TSHZ2: variants seen among roughly 807,000 people sequenced by gnomAD.
TSHZ2 encodes the protein teashirt homolog 2.
In TSHZ2, 21 loss-of-function variants were observed where a neutral mutation model predicts 74.4. The ratio of observed to expected loss-of-function variants is 0.28; its 90% confidence interval spans 0.20 to 0.41. TSHZ2 has a LOEUF of 0.41. Among genes scored for constraint, TSHZ2 ranks in the 10% least tolerant of loss-of-function variants. The pLI, the probability that TSHZ2 is intolerant of heterozygous loss-of-function variation, is 1.00. For synonymous variants in TSHZ2, 540 were observed against 515.3 expected (o/e 1.05, Z -0.65); for missense variants, 1,244 against 1,293.5 (o/e 0.96, Z 0.59).
Position 53,018,316 on chromosome 20 carries a change from C to T in TSHZ2, c.40+44983C>T, listed in dbSNP as rs1226138339. The stretch of plus-strand genomic sequence containing the variant: ...TTTGTAGACAATCACTGGGAATAGA[C>T]CACCTTATGTCATATACCAAGTTCC... On this transcript the variant is annotated intron_variant, in intron 1 of 2. Transcript: ENST00000371497. Among the ~76,000 whole-genome samples the T allele has an allele frequency of 3.3e-5, 5 of 152,156 alleles. No individual in the cohort carries two copies. In the East Asian group the frequency reaches 9.6e-4, roughly 29 times the overall value.
chr20:53,236,380 A>C (rs1420932131), intron 1 of TSHZ2, among the ~76,000 whole-genome samples: 2 of 152,180 alleles, frequency 1.3e-5, no homozygotes, highest in African/African-American at 4.8e-5. Flanking sequence ...TAAGTGGTCT[A>C]TCCTAACCTT....
chr20:53,405,371 G>A (rs986921833), intron 2 of TSHZ2, among the ~76,000 whole-genome samples: 1 of 152,104 alleles, frequency 6.6e-6, no homozygotes, highest in Non-Finnish European at 1.5e-5. Flanking sequence ...TATTAGGATT[G>A]TGTGGGCAGA....
intron 1 of TSHZ2, among the ~76,000 whole-genome samples, chr20:53,106,712 T>A (rs971122953): frequency 1.4e-5 from 2 of 145,626 alleles, no homozygotes; most frequent in African/African-American, 2.5e-5. Context: ...TTTTTGTTTT[T>A]TTTTTGACAC....
intron 1 of TSHZ2, among the ~76,000 whole-genome samples, chr20:53,126,860 G>A (rs1986961194): frequency 6.6e-6 from 1 of 152,154 alleles, no homozygotes; most frequent in African/African-American, 2.4e-5. Flanking sequence ...GCTGAAATCT[G>A]AGCAATCCAT....
At chr20:53,078,417 C>G (rs1165210053) in intron 1 of TSHZ2, among the ~76,000 whole-genome samples, 2 of 152,022 alleles carry the variant, frequency 1.3e-5, no homozygotes, top group African/African-American at 4.8e-5. Context: ...AATAAATACT[C>G]GTTAAATATT....
intron 1 of TSHZ2, among the ~76,000 whole-genome samples, chr20:53,224,935 T>G (rs1447847500): frequency 6.6e-6 from 1 of 152,178 alleles, no homozygotes; most frequent in Admixed American, 6.6e-5. Flanking sequence ...CTGGAGATGA[T>G]TAATTATTCC....
At chr20:53,407,481 C>G (rs1982894278) in intron 2 of TSHZ2, among the ~76,000 whole-genome samples, 1 of 152,180 alleles carries the variant, frequency 6.6e-6, no homozygotes, top group African/African-American at 2.4e-5. Context: ...AGGCATGTGC[C>G]TAGAAGTTCC....
chr20:53,120,587 T>C (rs1986781986), intron 1 of TSHZ2, among the ~76,000 whole-genome samples: 1 of 152,178 alleles, frequency 6.6e-6, no homozygotes, highest in South Asian at 2.1e-4. Flanking sequence ...TCATTTTCTG[T>C]GTATGAGCCA....
intron 2 of TSHZ2, among the ~76,000 whole-genome samples, chr20:53,392,699 T>C (rs866507677): frequency 1.3e-5 from 2 of 152,348 alleles, no homozygotes; most frequent in South Asian, 4.1e-4. Context: ...CATTCTTTTT[T>C]ATTTTTTAAA....
Position 53,253,616 on chromosome 20 carries a change from A to T in TSHZ2, c.158A>T (p.Glu53Val), listed in dbSNP as rs774303094. 3.7e-6 allele frequency: 6 copies of T among 1,614,170 alleles called. No homozygotes were observed. Among genetic ancestry groups the T allele is most frequent in the Non-Finnish European group, 5.1e-6 (6 of 1,180,038 alleles). Residue 53 changes from glutamate (E) to valine (V), a missense_variant, in exon 2 of 3, where the codon GAG (glutamate) becomes GTG (valine). Transcript: ENST00000371497. Reference protein sequence around the residue: ...QGGNDTGTDEELETGPEQKGC... With the variant: ...QGGNDTGTDEVLETGPEQKGC... ...GGCAATGACACAGGGACGGACGAGGAGCTAGAAACGGGCCCAGAGCAAAAA... is the reference window on the plus strand; with the variant it reads ...GGCAATGACACAGGGACGGACGAGGTGCTAGAAACGGGCCCAGAGCAAAAA...
intron 2 of TSHZ2, among the ~76,000 whole-genome samples, chr20:53,456,615 G>C (rs927957177): frequency 1.1e-4 from 14 of 131,584 alleles, no homozygotes; most frequent in Non-Finnish European, 2.0e-4. Context: ...TGGTGTTTTA[G>C]ACATGAAGTC....
intron 1 of TSHZ2, among the ~76,000 whole-genome samples, chr20:53,215,970 C>T (rs1021435757): frequency 1.3e-5 from 2 of 152,044 alleles, no homozygotes; most frequent in African/African-American, 2.4e-5. Context: ...AGCTCCTGCC[C>T]TTTTTCCCCT....
At chr20:53,439,287 T>G (rs777601669) in intron 2 of TSHZ2, among the ~76,000 whole-genome samples, 3 of 152,186 alleles carry the variant, frequency 2.0e-5, no homozygotes, top group Non-Finnish European at 4.4e-5. Flanking sequence ...TCCTTCCATC[T>G]GGAGTCAGTA....
chr20:53,048,649 C>T (rs1984317857), intron 1 of TSHZ2, among the ~76,000 whole-genome samples: 1 of 152,200 alleles, frequency 6.6e-6, no homozygotes, highest in South Asian at 2.1e-4. Context: ...ATAGAGAGCC[C>T]CACCAGCAGC....
At chr20:53,220,578 G>T (rs1400846894) in intron 1 of TSHZ2, among the ~76,000 whole-genome samples, 1 of 152,130 alleles carries the variant, frequency 6.6e-6, no homozygotes, top group Non-Finnish European at 1.5e-5. Context: ...CATTGTCTAT[G>T]GCTGGTATCA....
At chr20:53,358,777 G>A (rs180740408) in intron 2 of TSHZ2, among the ~76,000 whole-genome samples, 139 of 152,292 alleles carry the variant, frequency 9.1e-4, no homozygotes, top group Middle Eastern at 3.4e-3. Flanking sequence ...ATCCGTTAGG[G>A]TTTTTTAAAC....
chr20:53,494,217 G>A lies in TSHZ2; in HGVS notation c.*7082G>A. On this transcript the variant is annotated 3_prime_UTR_variant, in exon 3 of 3. Transcript: ENST00000371497. ...GCAAGAGAATTGCTTGAGCCCGGGA[G>A]GCGAAGGTTGCAGTGAGCTGAGATG... The A allele has an allele frequency of 6.6e-6, 1 of 152,422 alleles. No individual in the cohort carries two copies. The highest frequency in any genetic ancestry group is 1.5e-5 in the Non-Finnish European group (1 of 68,168). The allele number at this position is 152,422 out of a possible 1,614,324, so 9.4% of individuals were successfully genotyped here.
At chr20:53,418,823 A>G (rs905363641) in intron 2 of TSHZ2, among the ~76,000 whole-genome samples, 5 of 152,184 alleles carry the variant, frequency 3.3e-5, no homozygotes, top group Admixed American at 1.3e-4. Flanking sequence ...CTCCCAGCTC[A>G]GTCCAGGCCG....
At chr20:53,400,134 G>T (rs1982605234) in intron 2 of TSHZ2, 1 of 152,320 alleles carries the variant, frequency 6.6e-6, no homozygotes, top group South Asian at 2.1e-4. Context: ...AGAGTACTGA[G>T]CACAGCCTGG....
Sources: allele counts gnomAD v4.1 joint callset (sites outside exome capture counted in the v4.1 genomes callset), GRCh38; gene constraint gnomAD v4.1.1; transcripts MANE v1.5; gene names NCBI Gene and HGNC (gene_info 2026-07-23, HGNC 2026-07-21).